TRMT44: variants seen among roughly 807,000 people sequenced by gnomAD.
TRMT44 encodes the protein tRNA methyltransferase 44 homolog.
Under a neutral mutation model 77.3 loss-of-function variants are expected in TRMT44, and 78 were observed. The ratio of observed to expected loss-of-function variants is 1.01; its 90% CI spans 0.84 to 1.22. TRMT44 has a LOEUF of 1.22. Ranked by LOEUF, TRMT44 falls within the 50% of genes most tolerant of loss-of-function variation. The pLI, the probability that TRMT44 is intolerant of heterozygous loss-of-function variation, is 0.00. For synonymous variants in TRMT44, 391 were observed against 383.3 expected, an observed-to-expected ratio of 1.02 and a Z score of -0.23; for missense variants, 1,090 against 964.4, an observed-to-expected ratio of 1.13 and a Z score of -1.73.
chr4:8,449,949 C>CTTTTTTTTTTTTTTTTTTTCTTT, intron 3 of TRMT44, 61 bp downstream of exon 3: 2 of 238,690 alleles, frequency 8.4e-6, no homozygotes, highest in Non-Finnish European at 1.2e-5. Context: ...CTTTTCTTTT[C>CTTTTTTTTTTTTTTTTTTTCTTT]TTTTTTTTTT....
chr4:8,489,159 C>T (rs966714641), intron 2 of TRMT44, among the ~76,000 whole-genome samples: 1 of 152,230 alleles, frequency 6.6e-6, no homozygotes, highest in Admixed American at 6.5e-5. Flanking sequence ...AGTGCCCTGG[C>T]CCCATGTGCT....
At chr4:8,455,144 C>A (rs927831246) in intron 6 of TRMT44, among the ~76,000 whole-genome samples, 29 of 152,328 alleles carry the variant, frequency 1.9e-4, no homozygotes, top group African/African-American at 6.5e-4. Context: ...GCGAAGTCTT[C>A]TCCAAGGCCT....
chr4:8,460,919 G>T (rs62287387), intron 6 of TRMT44, among the ~76,000 whole-genome samples: 1 of 151,986 alleles, frequency 6.6e-6, no homozygotes, highest in African/African-American at 2.4e-5. Flanking sequence ...ATGTGATCAC[G>T]GCTCACTGTG....
chr4:8,452,876 A>G lies in TRMT44; in HGVS notation c.1024-6A>G. ...CTGACTTTGTTTTGTTTTTCTCTTC[A>G]CTTAGATTCTATGGGAAGAAGAAAG... On this transcript the variant is annotated splice_polypyrimidine_tract_variant and splice_region_variant and intron_variant, in intron 4 of 10. Transcript: ENST00000389737. This position sits in a 1 kb window ranked among gnomAD's most constrained non-coding sequence, Gnocchi z 5.7. 2 of 1,496,570 alleles carry G rather than the reference A, an allele frequency of 1.3e-6. No individual in the cohort carries two copies. Among genetic ancestry groups the G allele is most frequent in the East Asian group, 2.5e-5 (1 of 40,184 alleles). The allele number at this position is 1,496,570 out of a possible 1,614,324, so 92.7% of individuals were successfully genotyped here.
downstream of TRMT44, chr4:8,476,841 T>C (rs1022461418): frequency 1.3e-5 from 2 of 152,248 alleles, no homozygotes; most frequent in Non-Finnish European, 1.5e-5. Flanking sequence ...ACTCCTGGGC[T>C]CAAGCCATCC....
chr4:8,464,875 TAC>T (rs1246448720), intron 7 of TRMT44, among the ~76,000 whole-genome samples: 1 of 152,188 alleles, frequency 6.6e-6, no homozygotes, highest in Non-Finnish European at 1.5e-5. Context: ...AAAACAATAT[TAC>T]ACAGCCACAA....
Position 8,468,300 on chromosome 4 carries a change from C to T in TRMT44, c.1881C>T (p.Asn627=). The part of the protein sequence containing the change: ...ANLLLGGKQL[N]TRSSRNGSLK... ...TACTGTTAGGTGGAAAGCAATTAAACACAAGAAGTTCTCGAAATGGGAGTT... is the reference window on the plus strand; with the variant it reads ...TACTGTTAGGTGGAAAGCAATTAAATACAAGAAGTTCTCGAAATGGGAGTT... Residue 627 remains asparagine, a synonymous_variant, in exon 9 of 11, where the codon AAC becomes AAT. Transcript: ENST00000389737. 1.2e-6 allele frequency: 2 copies of T among 1,614,180 alleles called. No homozygotes were observed. The highest frequency in any genetic ancestry group is 1.7e-6 in the Non-Finnish European group (2 of 1,180,036).
rs934757801 is a variant in TRMT44, at chr4:8,492,367, G to A, written n.3892-899G>A. Among the ~76,000 whole-genome samples the A allele has an allele frequency of 5.9e-4, 90 of 152,148 alleles. 4 individuals carry two copies. Among genetic ancestry groups the A allele is most frequent in the Non-Finnish European group, 1.3e-4 (9 of 68,012 alleles). ...ACTTTTTGCTCTGGCCATGACCGCC[G>A]TGGTGCTGAAACCGCCTCTGCAAAA... On this transcript the variant is annotated intron_variant and non_coding_transcript_variant, in intron 2 of 2. Transcript: ENST00000511366.
At chr4:8,515,355 A>C in the TRMT44 span, among the ~76,000 whole-genome samples, 39 of 152,174 alleles carry the variant, frequency 2.6e-4, no homozygotes, top group Admixed American at 2.6e-3. Context: ...GACCACTGGG[A>C]ACTCACGGTC....
chr4:8,506,429 C>A, the TRMT44 span, among the ~76,000 whole-genome samples: 1 of 152,230 alleles, frequency 6.6e-6, no homozygotes, highest in African/African-American at 2.4e-5. Context: ...CCACCAAAAA[C>A]AAAGAAGCCC....
At chr4:8,463,874 C>T (rs183294240) in intron 6 of TRMT44, 111 bp from the exon 7 acceptor site, 25 of 811,406 alleles carry the variant, frequency 3.1e-5, no homozygotes, top group East Asian at 2.6e-4. Context: ...AGGTGAACTG[C>T]GGCTCTGCGC....
At chr4:8,495,437 A>G (rs1049658662), downstream of TRMT44, among the ~76,000 whole-genome samples, 12 of 152,170 alleles carry the variant, frequency 7.9e-5, no homozygotes, top group Admixed American at 1.3e-4. Flanking sequence ...TCTGGGGGGC[A>G]TGCCTTTGTT....
the TRMT44 span, among the ~76,000 whole-genome samples, chr4:8,504,884 A>ACCC: frequency 1.3e-5 from 2 of 152,126 alleles, no homozygotes; most frequent in Non-Finnish European, 2.9e-5. The surrounding 1 kb of genome is among the most constrained non-coding windows in gnomAD (Gnocchi z 5.3). Flanking sequence ...GATTCTAAAT[A>ACCC]GGCCCCCGCA....
Position 8,471,161 on chromosome 4 carries a change from C to T in TRMT44, c.2005C>T (p.Leu669=). ...GAGGCTGAAGCGGGAGTGTGGGGGC[C>T]TGCAGACGCTGCTCCGGAACAGCCA... The part of the protein sequence containing the change: ...LRRLKRECGG[L]QTLLRNSHQV... The change falls in exon 10 of 11, where the codon CTG becomes TTG. Residue 669 remains leucine, a synonymous_variant. Transcript: ENST00000389737. The T allele has an allele frequency of 6.2e-7, 1 of 1,608,118 alleles. No homozygotes were observed. The highest frequency in any genetic ancestry group is 8.5e-7 in the Non-Finnish European group (1 of 1,177,178).
At chr4:8,501,632 A>G in the TRMT44 span, among the ~76,000 whole-genome samples, 112,040 of 152,082 alleles carry the variant, frequency 0.74, 41,965 homozygotes, top group African/African-American at 0.86. The surrounding 1 kb of genome is among the most constrained non-coding windows in gnomAD (Gnocchi z 4.4). Flanking sequence ...CAGACGGGAC[A>G]TTCCTTTGCT....
At position 8,441,361 on chromosome 4, in the gene TRMT44, A is replaced by T; in HGVS notation, c.539A>T (p.Asp180Val). ...CAGCCAGAGGCGCAGCGTGAGCTCG[A>T]CGTGGTTCTCAGAACCGTCATCCCG... ...GSQPEAQRELDVVLRTVIPKT... is the reference protein window; with the variant it reads ...GSQPEAQRELVVVLRTVIPKT... The change falls in exon 1 of 11, where the codon GAC becomes GTC. Residue 180 changes from aspartate to valine, a missense_variant. Transcript: ENST00000389737. The T allele has an allele frequency of 6.5e-7, 1 of 1,534,800 alleles. No individual in the cohort carries two copies. The highest frequency in any genetic ancestry group is 8.7e-7 in the Non-Finnish European group (1 of 1,146,160).
chr4:8,481,813 C>T (rs1727623042), intron 2 of TRMT44, among the ~76,000 whole-genome samples: 1 of 152,228 alleles, frequency 6.6e-6, no homozygotes, highest in Non-Finnish European at 1.5e-5. Flanking sequence ...ACTAGCACAC[C>T]TAGGGCAGTC....
the TRMT44 span, among the ~76,000 whole-genome samples, chr4:8,505,091 A>G: frequency 1.3e-5 from 2 of 152,100 alleles, no homozygotes; most frequent in Non-Finnish European, 2.9e-5. Context: ...GTGACCTCTC[A>G]GGAAGAGGCG....
rs192047551 is a variant in TRMT44 at position 8,458,321 on chromosome 4, C to T, written c.1203+3508C>T. 2.6e-5 allele frequency among the ~76,000 whole-genome samples: 4 copies of T among 152,308 alleles called. No homozygotes were observed. The East Asian group carries it at 7.7e-4, about 29-fold the overall frequency. On this transcript the variant is annotated intron_variant, in intron 6 of 10. Coordinates refer to ENST00000389737, the MANE Select transcript of TRMT44 (RefSeq NM_152544.3). ...TCCTCCATGTCTTCCACACCTGAGA[C>T]AGCAAGACCCGTCCCTTCTCTTCCT...
Sources: allele counts gnomAD v4.1 joint callset (sites outside exome capture counted in the v4.1 genomes callset), GRCh38; gene constraint gnomAD v4.1.1; non-coding constraint Gnocchi (gnomAD v3.1); transcripts MANE v1.5; gene names NCBI Gene and HGNC (gene_info 2026-07-23, HGNC 2026-07-21).